ANHX: variants seen among roughly 807,000 people sequenced by gnomAD.
ANHX encodes the protein anomalous homeobox.
ANHX carries 20 observed loss-of-function variants against 38.9 expected under a neutral mutation model. That is an observed-to-expected ratio of 0.51 (90% CI 0.36 to 0.75). The LOEUF is 0.75. ANHX is among the 30% of genes least tolerant of loss of function. ANHX has a pLI of 0.00. For missense variants in ANHX, 475 were observed against 493.1 expected (o/e 0.96, Z 0.35); for synonymous variants, 185 against 203.1 (o/e 0.91, Z 0.76).
chr12:133,234,425 T>C (rs1466300295), intron 1 of ANHX, 47 bp from the exon 2 acceptor site: 1 of 1,486,790 alleles, frequency 6.7e-7, no homozygotes, highest in East Asian at 2.5e-5. Flanking sequence ...GACCACGTCC[T>C]TTCTGTCAGT....
chr12:133,219,405 A>C, intron 8 of ANHX, 38 bp from the exon 9 acceptor site: 1 of 1,399,918 alleles, frequency 7.1e-7, no homozygotes, highest in Non-Finnish European at 9.5e-7. Flanking sequence ...CCCTATCTCA[A>C]GGGGACACTG....
Position 133,231,531 on chromosome 12 carries a change from G to A in ANHX, c.363C>T (p.Phe121=). 3 of 1,536,114 alleles carry A rather than the reference G, an allele frequency of 2.0e-6. No homozygotes were observed. The highest frequency in any genetic ancestry group is 2.6e-6 in the Non-Finnish European group (3 of 1,146,904). Residue 121 remains phenylalanine, a synonymous_variant, in exon 3 of 10, where the codon TTC becomes TTT. Transcript: ENST00000545940. ...TTGTAGGTTACCTCTTCCTGCAGCG[G>A]AACTTCTGCACCGGGGTGAGCGCAG... ...GVAALTPVQK[F]RCRKRNPPPP...
In ANHX at chr12:133,231,561, G is replaced by A. The variant is rs1329922583; in HGVS notation, c.333C>T (p.Gly111=). ...TCTGCACCGGGGTGAGCGCAGCCAC[G>A]CCCAGCCTCCTCATGACCAGACGGT... ...IHYRLVMRRL[G]VAALTPVQKF... is the part of the protein sequence containing the mutation. Residue 111 remains glycine (G), a synonymous_variant, in exon 3 of 10, where the codon GGC becomes GGT. Transcript: ENST00000545940. 2.2e-5 allele frequency: 34 copies of A among 1,535,982 alleles called. No individual in the cohort carries two copies. The highest frequency in any genetic ancestry group is 9.8e-5 in the East Asian group (4 of 40,930).
Position 133,219,314 on chromosome 12 carries a change from A to G in ANHX, c.1334T>C (p.Met445Thr), listed in dbSNP as rs1262787227. ...PSAFPGPVSA[M>T]ELSQALPSSQ... ...GGAGGGCAGGGCCTGGCTCAGCTCCATGGCAGACACAGGGCCGGGGAAGGC... is the reference window on the plus strand; with the variant it reads ...GGAGGGCAGGGCCTGGCTCAGCTCCGTGGCAGACACAGGGCCGGGGAAGGC... Residue 445 changes from methionine to threonine, a missense_variant, in exon 9 of 10, where the codon ATG becomes ACG. Physicochemically the swap from Met to Thr is moderately conservative, Grantham distance 81. Transcript: ENST00000545940. 4 of 1,535,508 alleles carry G rather than the reference A, an allele frequency of 2.6e-6. No homozygotes were observed. Among genetic ancestry groups the G allele is most frequent in the Non-Finnish European group, 3.5e-6 (4 of 1,146,774 alleles).
chr12:133,230,300 A>G (rs1486274883), intron 3 of ANHX, among the ~76,000 whole-genome samples: 1 of 152,170 alleles, frequency 6.6e-6, no homozygotes, highest in Non-Finnish European at 1.5e-5. Flanking sequence ...GGCTACAATC[A>G]CATCCCCTGA....
chr12:133,227,360 C>T (rs150620570), intron 4 of ANHX, among the ~76,000 whole-genome samples: 2,460 of 152,298 alleles, frequency 0.016, 63 homozygotes, highest in African/African-American at 0.056. Flanking sequence ...GCAGTGAGGC[C>T]CAGGTCAGGC....
Position 133,221,124 on chromosome 12 carries a change from G to A in ANHX, c.1280+81C>T, listed in dbSNP as rs1028669970. On this transcript the variant is annotated intron_variant, in intron 8 of 9. Transcript: ENST00000545940. The surrounding 1 kb of genome is among the most constrained non-coding windows in gnomAD (Gnocchi z 4.1). ...GGACCCTATCTGCACAGTCCGGGAC[G>A]GTGAGTCTATAAACTGGGCATTACC... 42 of 1,482,994 alleles carry A rather than the reference G, an allele frequency of 2.8e-5. No homozygotes were observed. Among genetic ancestry groups the A allele is most frequent in the African/African-American group, 8.4e-5 (6 of 71,742 alleles). 91.9% of individuals were successfully genotyped at this position (1,482,994 alleles called of 1,614,324 possible).
rs1001416861 is a variant in ANHX, at chr12:133,221,075, C to G, written c.1280+130G>C. ...AGGTGTAGGCTTGTGGGGACTGTTA[C>G]AGTTTTCAGCAATCCAAAGGAGAGG... On this transcript the variant is annotated intron_variant, in intron 8 of 9. Transcript: ENST00000545940. This position sits in a 1 kb window ranked among gnomAD's most constrained non-coding sequence, Gnocchi z 4.1. The G allele has an allele frequency of 8.2e-7, 1 of 1,225,052 alleles. No individual in the cohort carries two copies. Among genetic ancestry groups the G allele is most frequent in the African/African-American group, 1.5e-5 (1 of 65,026 alleles). 75.9% of individuals were successfully genotyped at this position (1,225,052 alleles called of 1,614,324 possible).
At chr12:133,234,496 T>A in intron 1 of ANHX, 118 bp from the exon 2 acceptor site, 1 of 1,200,132 alleles carries the variant, frequency 8.3e-7, no homozygotes, top group Non-Finnish European at 1.1e-6. Flanking sequence ...TGGACACTTG[T>A]AGAGTAGGAA....
rs762774820 is a variant in ANHX, at chr12:133,227,082, C to T, written c.572G>A (p.Arg191His). 1.6e-4 allele frequency: 242 copies of T among 1,535,894 alleles called. No individual in the cohort carries two copies. Among genetic ancestry groups the T allele is most frequent in the Non-Finnish European group, 1.9e-4 (221 of 1,146,858 alleles). Residue 191 changes from arginine (R) to histidine (H), a missense_variant, in exon 5 of 10, where the codon CGC becomes CAC. Arg to His is a conservative substitution (Grantham distance 29). Coordinates refer to ENST00000545940, the MANE Select transcript of ANHX (RefSeq NM_001372060.1). ...CATGTGCTGGGGAAGGGCTCTTTGG[C>T]GGCGCCGGTAATTGGCAAACCAGTT... ...VYNWFANYRRRQRALPQHMKP... is the reference protein window; with the variant it reads ...VYNWFANYRRHQRALPQHMKP...
chr12:133,234,361 T>C lies in ANHX; in HGVS notation c.-5A>G. The C allele has an allele frequency of 6.5e-7, 1 of 1,531,204 alleles. No individual in the cohort carries two copies. Among genetic ancestry groups the C allele is most frequent in the Non-Finnish European group, 8.7e-7 (1 of 1,142,982 alleles). The allele number at this position is 1,531,204 out of a possible 1,614,324, so 94.9% of individuals were successfully genotyped here. A position where few individuals can be genotyped will look rare whatever the true frequency, so the allele number is the denominator to read the frequency against. On this transcript the variant is annotated 5_prime_UTR_variant, in exon 2 of 10. Coordinates refer to ENST00000545940, the MANE Select transcript of ANHX (RefSeq NM_001372060.1). ...CAGAGTCAGGAAGCTCTGCATCCTG[T>C]GCTGGGTCGTGGCCACTCTGCCAAC...
intron 1 of ANHX, chr12:133,234,836 G>C (rs998317113): frequency 6.1e-6 from 1 of 164,726 alleles, no homozygotes; most frequent in Non-Finnish European, 1.3e-5. Context: ...ATCCACACAG[G>C]AGGAACCTTT....
chr12:133,229,058 C>T (rs1266830538), intron 3 of ANHX, among the ~76,000 whole-genome samples: 2 of 152,186 alleles, frequency 1.3e-5, no homozygotes, highest in Non-Finnish European at 2.9e-5. Context: ...TTTCCTCTTC[C>T]TCTCACTGGC....
rs1252843842 is a variant in ANHX, at chr12:133,225,310, TACATAC to T, written c.1132+220_1132+225del. On this transcript the variant is annotated intron_variant, in intron 7 of 9. Coordinates refer to ENST00000545940, the MANE Select transcript of ANHX (RefSeq NM_001372060.1). The stretch of plus-strand genomic sequence containing the variant: ...AACTCTTCCTCTTCAGTGATATGCA[TACATAC>T]ACACACACACACACACACACACACA... Among the ~76,000 whole-genome samples, 391 of 143,898 alleles carry T rather than the reference TACATAC, an allele frequency of 2.7e-3. 2 individuals are homozygous for T. Among genetic ancestry groups the T allele is most frequent in the African/African-American group, 0.01 (364 of 35,970 alleles). The allele number at this position is 143,898 out of a possible 152,430, so 94.4% of individuals were successfully genotyped here.
intron 5 of ANHX, 70 bp downstream of exon 5, chr12:133,226,866 A>C: frequency 7.2e-7 from 1 of 1,382,578 alleles, no homozygotes; most frequent in East Asian, 2.5e-5. Context: ...CAGTGTGACT[A>C]CCTAGGCCTG....
chr12:133,219,061 AC>A (rs1422486693), intron 9 of ANHX, 90 bp from the exon 10 acceptor site: 14 of 1,210,764 alleles, frequency 1.2e-5, no homozygotes, highest in African/African-American at 1.1e-4. Flanking sequence ...CCTTGGGAAG[AC>A]CCCCCGCAAC....
At chr12:133,229,899 CT>C (rs1382473578) in intron 3 of ANHX, among the ~76,000 whole-genome samples, 6 of 152,176 alleles carry the variant, frequency 3.9e-5, no homozygotes, top group Non-Finnish European at 7.3e-5. Flanking sequence ...CCATCTGCCC[CT>C]GAACACCAAG....
At chr12:133,222,525 C>G (rs954105383) in intron 7 of ANHX, among the ~76,000 whole-genome samples, 2 of 152,210 alleles carry the variant, frequency 1.3e-5, no homozygotes, top group Non-Finnish European at 2.9e-5. Flanking sequence ...AGACCAGCTC[C>G]TCTTGTCCCA....
At chr12:133,225,314 TACACACAC>T (rs36198127) in intron 7 of ANHX, among the ~76,000 whole-genome samples, 76 of 141,578 alleles carry the variant, frequency 5.4e-4, no homozygotes, top group African/African-American at 1.9e-3. Flanking sequence ...TATGCATACA[TACACACAC>T]ACACACACAC....
Sources: allele counts gnomAD v4.1 joint callset (sites outside exome capture counted in the v4.1 genomes callset), GRCh38; gene constraint gnomAD v4.1.1; non-coding constraint Gnocchi (gnomAD v3.1); transcripts MANE v1.5; gene names NCBI Gene and HGNC (gene_info 2026-07-23, HGNC 2026-07-21).